Variants in P2RY12 observed in about 807,000 individuals in gnomAD.
P2RY12 encodes purinergic receptor P2Y12.
Under a neutral mutation model 4.5 loss-of-function variants are expected in P2RY12, and 3 were observed. That is an observed-to-expected ratio of 0.67 (90% CI 0.31 to 1.74). P2RY12 has a LOEUF of 1.74. Ranked by LOEUF, P2RY12 falls within the 40% of genes most tolerant of loss-of-function variation. The pLI, the probability that P2RY12 is intolerant of heterozygous loss-of-function variation, is 0.09. For missense variants in P2RY12, 356 were observed against 407.8 expected, an observed-to-expected ratio of 0.87 and a Z score of 1.09; for synonymous variants, 148 against 154.1, an observed-to-expected ratio of 0.96 and a Z score of 0.29.
In P2RY12 at chr3:151,360,742, A is replaced by C. The variant is rs144527839; in HGVS notation, c.-179-19982T>G. On this transcript the variant is annotated intron_variant, in intron 1 of 2. Transcript: ENST00000302632. Reference sequence around the variant, plus strand: ...ATTAGGCAGTAATTTTGATATACTCATGATTTGTTTAAACTGAATATTAAA... The same window carrying C: ...ATTAGGCAGTAATTTTGATATACTCCTGATTTGTTTAAACTGAATATTAAA... 1.3e-3 allele frequency: 953 copies of C among 748,706 alleles called. 6 individuals carry two copies. In the African/African-American group the frequency reaches 0.014, roughly 11 times the overall value. The allele number at this position is 748,706 out of a possible 1,614,324, so 46.4% of individuals were successfully genotyped here.
intron 1 of P2RY12, among the ~76,000 whole-genome samples, chr3:151,375,267 C>T (rs1756687927): frequency 6.6e-6 from 1 of 152,178 alleles, no homozygotes; most frequent in Non-Finnish European, 1.5e-5. Flanking sequence ...CAGCATTGAG[C>T]CACTGGTATG....
At chr3:151,343,623 ACAT>A (rs142129613) in intron 1 of P2RY12, among the ~76,000 whole-genome samples, 19,777 of 152,226 alleles carry the variant, frequency 0.13, 1,455 homozygotes, top group Middle Eastern at 0.18. Context: ...TTAGTAAATA[ACAT>A]CAACACATAC....
intron 1 of P2RY12, chr3:151,368,050 A>G (rs1295733372): frequency 9.9e-7 from 1 of 1,011,538 alleles, no homozygotes; most frequent in Non-Finnish European, 1.5e-6. Flanking sequence ...AGGAAAATTT[A>G]TTTAAATAAT....
chr3:151,342,149 C>A (rs527312054), intron 1 of P2RY12, among the ~76,000 whole-genome samples: 1 of 152,298 alleles, frequency 6.6e-6, no homozygotes, highest in South Asian at 2.1e-4. Flanking sequence ...TGAGGAATCA[C>A]CACACTGACT....
chr3:151,342,128 T>C (rs1435663818), intron 1 of P2RY12, among the ~76,000 whole-genome samples: 2 of 152,216 alleles, frequency 1.3e-5, no homozygotes, highest in Non-Finnish European at 2.9e-5. Context: ...GTATTTCTAG[T>C]TCTAGATCAC....
intron 1 of P2RY12, among the ~76,000 whole-genome samples, chr3:151,356,229 A>G (rs1753900184): frequency 6.6e-6 from 1 of 151,942 alleles, no homozygotes; most frequent in African/African-American, 2.4e-5. Flanking sequence ...GTGAGACCCC[A>G]TCTCCACAAA....
chr3:151,346,345 G>A (rs903425056), intron 1 of P2RY12, among the ~76,000 whole-genome samples: 1 of 152,120 alleles, frequency 6.6e-6, no homozygotes, highest in African/African-American at 2.4e-5. Context: ...TGAAACAAGA[G>A]TCTTTTGATG....
At chr3:151,380,013 CTCTT>C in intron 1 of P2RY12, 1 of 723,262 alleles carries the variant, frequency 1.4e-6, no homozygotes, top group Non-Finnish European at 2.2e-6. Context: ...TTTACCACCT[CTCTT>C]ATTTATCTAA....
chr3:151,351,679 G>C (rs777999366), intron 1 of P2RY12, among the ~76,000 whole-genome samples: 1 of 152,188 alleles, frequency 6.6e-6, no homozygotes, highest in South Asian at 2.1e-4. Context: ...TGGCAATGGG[G>C]TAGGGGGGAG....
At position 151,338,001 on chromosome 3, in the gene P2RY12, C is replaced by G. The variant is rs760509900; in HGVS notation, c.845G>C (p.Ser282Thr). 7 of 1,614,128 alleles carry G rather than the reference C, an allele frequency of 4.3e-6. No individual in the cohort carries two copies. The highest frequency in any genetic ancestry group is 2.2e-5 in the South Asian group (2 of 91,084). Residue 282 changes from serine to threonine, a missense_variant, in exon 3 of 3, where the codon AGC becomes ACC. Coordinates refer to ENST00000302632, the MANE Select transcript of P2RY12 (RefSeq NM_022788.5). ...ATTTAAGGAAGTTAACCACAGAGTG[C>G]TCTCTTTCACATAGAACAGAGTATT... ...AENTLFYVKESTLWLTSLNAC... is the reference protein window; with the variant it reads ...AENTLFYVKETTLWLTSLNAC...
At chr3:151,379,731 A>G (rs1313214666) in intron 1 of P2RY12, among the ~76,000 whole-genome samples, 1 of 152,248 alleles carries the variant, frequency 6.6e-6, no homozygotes, top group Non-Finnish European at 1.5e-5. Context: ...CAAGAGTTTT[A>G]TATGAGAACT....
At chr3:151,352,490 G>A (rs1405513352) in intron 1 of P2RY12, among the ~76,000 whole-genome samples, 1 of 152,184 alleles carries the variant, frequency 6.6e-6, no homozygotes, top group African/African-American at 2.4e-5. Flanking sequence ...TTAAAACTTA[G>A]TGTAAGCACC....
chr3:151,338,717 A>G lies in P2RY12; in HGVS notation c.129T>C (p.Asn43=), dbSNP rs372442614. 1.2e-5 allele frequency: 20 copies of G among 1,613,602 alleles called. No homozygotes were observed. Among genetic ancestry groups the G allele is most frequent in the Non-Finnish European group, 1.7e-5 (20 of 1,179,822 alleles). ...GAAAGAAAATCCTCATCGCCAGGCC[A>G]TTTGTGATAAGTCCAACAAAAAACA... is the stretch of plus-strand genomic sequence containing the variant. ...TVLFFVGLIT[N]GLAMRIFFQI... The change falls in exon 3 of 3, where the codon AAT becomes AAC. Residue 43 remains asparagine (N), a synonymous_variant. Transcript: ENST00000302632.
chr3:151,359,167 T>G (rs1464651639), intron 1 of P2RY12, among the ~76,000 whole-genome samples: 2 of 152,068 alleles, frequency 1.3e-5, no homozygotes, highest in African/African-American at 2.4e-5. Context: ...CCACTTACAG[T>G]GAGAATATGT....
chr3:151,365,308 C>G (rs528197322), intron 1 of P2RY12: 40 of 916,926 alleles, frequency 4.4e-5, no homozygotes, highest in Admixed American at 8.6e-5. Flanking sequence ...TCACATTTGG[C>G]TATCATTTGC....
chr3:151,377,746 A>AG (rs753019240), intron 1 of P2RY12, among the ~76,000 whole-genome samples: 1 of 152,144 alleles, frequency 6.6e-6, no homozygotes, highest in Non-Finnish European at 1.5e-5. Flanking sequence ...AATTAGAGAG[A>AG]GGGGGTCATC....
chr3:151,347,984 C>T lies in P2RY12; in HGVS notation c.-179-7224G>A, dbSNP rs770016812. On this transcript the variant is annotated intron_variant, in intron 1 of 2. Coordinates refer to ENST00000302632, the MANE Select transcript of P2RY12 (RefSeq NM_022788.5). ...GTGATCCTGTGCGATGTGAGGAGCA[C>T]GTGGCTCTTTCTAGGATGCTTTCCT... 7.9e-5 allele frequency among the ~76,000 whole-genome samples: 12 copies of T among 152,100 alleles called. No homozygotes were observed. The East Asian group carries it at 1.2e-3, about 15-fold the overall frequency.
chr3:151,372,846 T>A, intron 1 of P2RY12: 1 of 1,055,766 alleles, frequency 9.5e-7, no homozygotes, highest in South Asian at 1.6e-5. Flanking sequence ...ATAGGAAACT[T>A]GTGCATAGGT....
chr3:151,369,357 A>G, intron 1 of P2RY12: 1 of 978,996 alleles, frequency 1.0e-6, no homozygotes, highest in Non-Finnish European at 1.5e-6. Flanking sequence ...CTAACAATGA[A>G]AGGCTGACTG....
Sources: allele counts gnomAD v4.1 joint callset (sites outside exome capture counted in the v4.1 genomes callset), GRCh38; gene constraint gnomAD v4.1.1; transcripts MANE v1.5; gene names NCBI Gene and HGNC (gene_info 2026-07-23, HGNC 2026-07-21).